CACNA2D3: variants seen among roughly 807,000 people sequenced by gnomAD.
The protein encoded by CACNA2D3 is calcium voltage-gated channel auxiliary subunit alpha2delta 3.
A neutral mutation model predicts 160.6 loss-of-function variants in CACNA2D3; 60 were observed. The ratio of observed to expected loss-of-function variants is 0.37; its 90% confidence interval spans 0.30 to 0.46. CACNA2D3 has a LOEUF of 0.46. Ranked by LOEUF, CACNA2D3 falls within the 20% of genes least tolerant of loss-of-function variation. The pLI, the probability that CACNA2D3 is intolerant of heterozygous loss-of-function variation, is 1.00. For missense variants in CACNA2D3, 1,205 were observed against 1,365.0 expected, an observed-to-expected ratio of 0.88 and a Z score of 1.85; for synonymous variants, 558 against 492.9, an observed-to-expected ratio of 1.13 and a Z score of -1.75.
intron 2 of CACNA2D3, among the ~76,000 whole-genome samples, chr3:54,313,477 C>T (rs546259922): frequency 4.6e-5 from 7 of 152,198 alleles, no homozygotes; most frequent in African/African-American, 1.7e-4. Flanking sequence ...CCTGGTGGCT[C>T]CAGTTGTTGC....
chr3:54,303,004 C>A (rs1703514483), intron 2 of CACNA2D3, among the ~76,000 whole-genome samples: 1 of 152,046 alleles, frequency 6.6e-6, no homozygotes, highest in African/African-American at 2.4e-5. Context: ...CTGGTCTTTC[C>A]CTCTCCTGTG....
At chr3:54,967,873 A>G (rs556633610) in intron 27 of CACNA2D3, among the ~76,000 whole-genome samples, 7 of 152,342 alleles carry the variant, frequency 4.6e-5, no homozygotes, top group African/African-American at 1.4e-4. Flanking sequence ...AGCTTTTCAC[A>G]GACAAAGAAA....
At chr3:54,977,728 G>A (rs1702422304) in intron 29 of CACNA2D3, among the ~76,000 whole-genome samples, 1 of 152,134 alleles carries the variant, frequency 6.6e-6, no homozygotes, top group Non-Finnish European at 1.5e-5. Flanking sequence ...TGCAGAATGA[G>A]CATCATGATG....
chr3:54,249,155 A>G (rs1702134841), intron 2 of CACNA2D3, among the ~76,000 whole-genome samples: 1 of 152,142 alleles, frequency 6.6e-6, no homozygotes, highest in South Asian at 2.1e-4. Context: ...GTTAGTTTTT[A>G]TCATACTAGG....
chr3:54,794,162 T>G (rs1459840233), intron 13 of CACNA2D3, among the ~76,000 whole-genome samples: 2 of 152,178 alleles, frequency 1.3e-5, no homozygotes, highest in Admixed American at 6.6e-5. Flanking sequence ...ATTCTTTTTC[T>G]ACATCATTTT....
At chr3:54,678,410 G>A (rs1700280075) in intron 11 of CACNA2D3, among the ~76,000 whole-genome samples, 1 of 152,050 alleles carries the variant, frequency 6.6e-6, no homozygotes, top group South Asian at 2.1e-4. Context: ...CACACCTGAG[G>A]GAAAAGAGCA....
intron 11 of CACNA2D3, among the ~76,000 whole-genome samples, chr3:54,679,008 C>CT (rs1160439478): frequency 5.9e-5 from 9 of 152,092 alleles, no homozygotes; most frequent in African/African-American, 2.2e-4. Flanking sequence ...ATTAAAGACC[C>CT]TAACATTTGG....
intron 17 of CACNA2D3, among the ~76,000 whole-genome samples, chr3:54,865,427 G>A (rs907376475): frequency 2.0e-5 from 3 of 152,150 alleles, no homozygotes; most frequent in Non-Finnish European, 2.9e-5. Flanking sequence ...CCACCTTCCC[G>A]CTACTGATCC....
chr3:54,170,592 A>G (rs1337919530), intron 2 of CACNA2D3, among the ~76,000 whole-genome samples: 2 of 152,132 alleles, frequency 1.3e-5, no homozygotes, highest in Non-Finnish European at 2.9e-5. Context: ...AGGAGGGCCA[A>G]GAAATCTCCC....
chr3:54,433,668 C>T (rs1700020957), intron 4 of CACNA2D3, among the ~76,000 whole-genome samples: 1 of 152,118 alleles, frequency 6.6e-6, no homozygotes, highest in Non-Finnish European at 1.5e-5. Context: ...CGGACCTTTG[C>T]ACTTGAGGAA....
intron 11 of CACNA2D3, among the ~76,000 whole-genome samples, chr3:54,694,458 A>G (rs1303794954): frequency 1.3e-5 from 2 of 152,216 alleles, no homozygotes; most frequent in Non-Finnish European, 2.9e-5. Context: ...ATAACTTTAT[A>G]GAAAATACTA....
At chr3:54,482,423 A>C (rs1458212740) in intron 4 of CACNA2D3, among the ~76,000 whole-genome samples, 1 of 152,230 alleles carries the variant, frequency 6.6e-6, no homozygotes, top group Admixed American at 6.5e-5. Flanking sequence ...GCTTTCAACC[A>C]AGTAGAATGC....
chr3:54,718,615 T>C (rs1452648893), intron 11 of CACNA2D3, among the ~76,000 whole-genome samples: 1 of 152,120 alleles, frequency 6.6e-6, no homozygotes, highest in Non-Finnish European at 1.5e-5. Context: ...GTATAAGTCT[T>C]CCAATATCAT....
intron 13 of CACNA2D3, among the ~76,000 whole-genome samples, chr3:54,797,617 T>C (rs2106662508): frequency 6.6e-6 from 1 of 152,332 alleles, no homozygotes; most frequent in Non-Finnish European, 1.5e-5. Flanking sequence ...TTTTTGAACT[T>C]TTTTAACTTG....
At chr3:54,148,810 C>G (rs959269810) in intron 2 of CACNA2D3, among the ~76,000 whole-genome samples, 4 of 151,878 alleles carry the variant, frequency 2.6e-5, no homozygotes, top group Non-Finnish European at 5.9e-5. Flanking sequence ...AACCCCATCT[C>G]TACTAAAAAT....
At position 54,239,707 on chromosome 3, in the gene CACNA2D3, T is replaced by C. The variant is rs116097692; in HGVS notation, c.205-80735T>C. Among the ~76,000 whole-genome samples the C allele has an allele frequency of 6.2e-3, 943 of 152,344 alleles. 13 individuals are homozygous for C. The highest frequency in any genetic ancestry group is 0.037 in the South Asian group (177 of 4,828). On this transcript the variant is annotated intron_variant, in intron 2 of 37. Coordinates refer to ENST00000474759, the MANE Select transcript of CACNA2D3 (RefSeq NM_018398.3). ...TGAGTTTGGCTCAAAAATATTATAC[T>C]AGCATAGGAGATAATAACAGTGTAG...
intron 13 of CACNA2D3, among the ~76,000 whole-genome samples, chr3:54,779,078 C>G (rs1010579766): frequency 5.3e-5 from 8 of 152,042 alleles, no homozygotes; most frequent in African/African-American, 1.9e-4. Context: ...TATGATGTTA[C>G]TTTTGCCCAC....
At chr3:54,604,650 G>A (rs910942252) in intron 9 of CACNA2D3, among the ~76,000 whole-genome samples, 4 of 152,078 alleles carry the variant, frequency 2.6e-5, no homozygotes, top group African/African-American at 4.8e-5. Flanking sequence ...CTCTGGCCAC[G>A]CTTTACCCAC....
chr3:54,932,375 A>C (rs1701211470), intron 27 of CACNA2D3, among the ~76,000 whole-genome samples: 1 of 152,110 alleles, frequency 6.6e-6, no homozygotes, highest in Non-Finnish European at 1.5e-5. Flanking sequence ...CTGAAAATGG[A>C]ATAAGTGGGA....
Sources: allele counts gnomAD v4.1 joint callset (sites outside exome capture counted in the v4.1 genomes callset), GRCh38; gene constraint gnomAD v4.1.1; transcripts MANE v1.5; gene names NCBI Gene and HGNC (gene_info 2026-07-23, HGNC 2026-07-21).